Variants in HEATR5B observed in about 807,000 individuals in gnomAD.
The protein encoded by HEATR5B is HEAT repeat-containing protein 5B.
HEATR5B carries 156 observed loss-of-function variants against 224.1 expected under a neutral mutation model. The ratio of observed to expected loss-of-function variants is 0.70; its 90% CI spans 0.61 to 0.80. HEATR5B has a LOEUF of 0.80. HEATR5B is among the 30% of genes least tolerant of loss of function. The probability of loss-of-function intolerance (pLI) is 0.00; values close to 1 mark genes in which losing one functional copy is unlikely to be tolerated. For missense variants in HEATR5B, 2,323 were observed against 2,535.5 expected (o/e 0.92, Z 1.80); for synonymous variants, 1,027 against 893.0 (o/e 1.15, Z -2.68).
chr2:37,078,122 G>A (rs1672346143), intron 3 of HEATR5B, among the ~76,000 whole-genome samples: 1 of 152,176 alleles, frequency 6.6e-6, no homozygotes, highest in Admixed American at 6.5e-5. Flanking sequence ...TTGGATCTTG[G>A]AAGTGGGCAG....
In HEATR5B at chr2:37,083,417, CG is replaced by C; in HGVS notation, c.-4del. 1.2e-6 allele frequency: 2 copies of C among 1,609,602 alleles called. No homozygotes were observed. The highest frequency in any genetic ancestry group is 2.2e-5 in the South Asian group (2 of 90,078). On this transcript the variant is annotated 5_prime_UTR_variant, in exon 2 of 36. Coordinates refer to ENST00000233099, the MANE Select transcript of HEATR5B (RefSeq NM_019024.3). ...AATAAACTGTGGGCTAACTCCATTA[CG>C]GAAGTTTGAAATTCACACCTTAAAT...
intron 4 of HEATR5B, 86 bp from the exon 5 acceptor site, chr2:37,075,720 C>T (rs1672188353): frequency 1.1e-6 from 1 of 936,242 alleles, no homozygotes; most frequent in African/African-American, 1.7e-5. Flanking sequence ...TTCTTTGGGT[C>T]TAATGGTCTT....
chr2:37,064,987 A>T lies in HEATR5B; in HGVS notation c.1337T>A (p.Leu446His), dbSNP rs1337758145. ...CAGCACTGAAGTCACAATCTCCAAA[A>T]GCCCTAAACAAGAAATACTCAAAAT... is the stretch of plus-strand genomic sequence containing the variant. The part of the protein sequence containing the change: ...SPLIQEASIG[L>H]LEIVTSVLLH... Residue 446 changes from leucine to histidine, a missense_variant, in exon 10 of 36, where the codon CTT becomes CAT. Coordinates refer to ENST00000233099, the MANE Select transcript of HEATR5B (RefSeq NM_019024.3). 5 of 1,613,400 alleles carry T rather than the reference A, an allele frequency of 3.1e-6. No homozygotes were observed. In the South Asian group the frequency reaches 5.5e-5, roughly 18 times the overall value.
chr2:37,079,166 T>C lies in HEATR5B; in HGVS notation c.292A>G (p.Ile98Val). 2 of 1,610,206 alleles carry C rather than the reference T, an allele frequency of 1.2e-6. No homozygotes were observed. Among genetic ancestry groups the C allele is most frequent in the African/African-American group, 1.3e-5 (1 of 74,992 alleles). The change falls in exon 3 of 36, where the codon ATT becomes GTT. Residue 98 changes from isoleucine (I) to valine (V), a missense_variant. Physicochemically the swap from Ile to Val is conservative, Grantham distance 29 (BLOSUM62 3). Transcript: ENST00000233099. The stretch of plus-strand genomic sequence containing the variant: ...GCAGTGTCATCTTTATTTCTGATAA[T>C]GTCATTGCATTTATCAAGTGTCTGA... The part of the protein sequence containing the change: ...VFQTLDKCND[I>V]IRNKDDTAAY...
intron 30 of HEATR5B, among the ~76,000 whole-genome samples, chr2:37,005,125 A>C (rs1199179385): frequency 1.3e-5 from 2 of 151,980 alleles, no homozygotes; most frequent in African/African-American, 4.8e-5. Context: ...TCATCTAACA[A>C]CCTCATGTTC....
At chr2:37,020,884 G>A in intron 24 of HEATR5B, 48 bp from the exon 25 acceptor site, 1 of 1,023,666 alleles carries the variant, frequency 9.8e-7, no homozygotes, top group Non-Finnish European at 1.4e-6. Flanking sequence ...CCAAAAATAA[G>A]TGTAATAACA....
At chr2:37,006,516 C>T (rs1248092164) in intron 29 of HEATR5B, among the ~76,000 whole-genome samples, 1 of 152,096 alleles carries the variant, frequency 6.6e-6, no homozygotes, top group African/African-American at 2.4e-5. Flanking sequence ...TGGCGCATGC[C>T]CATAATCCCA....
rs1670414659 is a variant in HEATR5B, at chr2:37,049,666, A to T, written c.2683T>A (p.Tyr895Asn). 1.2e-6 allele frequency: 2 copies of T among 1,613,678 alleles called. No individual in the cohort carries two copies. The highest frequency in any genetic ancestry group is 2.2e-5 in the East Asian group (1 of 44,872). The change falls in exon 18 of 36, where the codon TAT becomes AAT. Residue 895 changes from tyrosine (Y) to asparagine (N), a missense_variant. By Grantham distance (143) the Tyr-to-Asn change is moderately radical. This residue lies in a region of HEATR5B where 170 missense variants were observed against 216.7 expected (regional missense o/e 0.78). Transcript: ENST00000233099. ...EATFIARMAQ[Y>N]SFDKLKSARD... ...AAACCCACTTACTTGTCAAAGCTAT[A>T]TTGGGCCATTCTAGCAATAAAAGTT...
At chr2:37,036,860 A>G (rs1337685183) in intron 21 of HEATR5B, among the ~76,000 whole-genome samples, 1 of 151,910 alleles carries the variant, frequency 6.6e-6, no homozygotes, top group Non-Finnish European at 1.5e-5. Context: ...CAGGATTATG[A>G]TAGGCCTCCT....
chr2:37,003,202 C>T (rs1667199889), intron 31 of HEATR5B, among the ~76,000 whole-genome samples: 1 of 144,424 alleles, frequency 6.9e-6, no homozygotes, highest in African/African-American at 2.6e-5. Context: ...CTGCAGTAAG[C>T]CGAGATTGCA....
intron 26 of HEATR5B, among the ~76,000 whole-genome samples, chr2:37,015,991 CAGAAAAACAAA>C (rs1668088657): frequency 6.6e-6 from 1 of 151,724 alleles, no homozygotes; most frequent in South Asian, 2.1e-4. Context: ...AAGAAAATAC[CAGAAAAACAAA>C]AGAAAAACCA....
chr2:37,064,435 G>A (rs553238697), intron 10 of HEATR5B, among the ~76,000 whole-genome samples: 23 of 151,684 alleles, frequency 1.5e-4, no homozygotes, highest in African/African-American at 5.6e-4. Context: ...CATGAAGTTG[G>A]CTAACTTTTT....
chr2:37,045,544 G>C (rs1411348075), intron 18 of HEATR5B, among the ~76,000 whole-genome samples: 1 of 152,172 alleles, frequency 6.6e-6, no homozygotes, highest in African/African-American at 2.4e-5. Flanking sequence ...AGCCCTGTGA[G>C]TTCTGAAAAT....
At chr2:36,981,886 A>C (rs1572718510) in intron 35 of HEATR5B, 92 bp from the exon 36 acceptor site, 1 of 896,766 alleles carries the variant, frequency 1.1e-6, no homozygotes, top group Non-Finnish European at 1.7e-6. Flanking sequence ...ACTGAACATA[A>C]TAAAATATAA....
chr2:37,042,104 A>G (rs1378581949), intron 18 of HEATR5B, among the ~76,000 whole-genome samples: 1 of 152,188 alleles, frequency 6.6e-6, no homozygotes, highest in African/African-American at 2.4e-5. Context: ...TACTTTAAAA[A>G]ATAAGCTTTA....
chr2:37,055,229 T>C lies in HEATR5B; in HGVS notation c.2399+1211A>G, dbSNP rs1357011820. 1.0e-4 allele frequency: 19 copies of C among 183,144 alleles called. No homozygotes were observed. The East Asian group carries it at 2.8e-3, about 27-fold the overall frequency. The allele number at this position is 183,144 out of a possible 1,614,324, so 11.3% of individuals were successfully genotyped here. On this transcript the variant is annotated intron_variant, in intron 16 of 35. Coordinates refer to ENST00000233099, the MANE Select transcript of HEATR5B (RefSeq NM_019024.3). ...TATCAAAACACTGTCTCTACAAAAA[T>C]GGACTTTCTATTATTTATTCACTTA... is the stretch of plus-strand genomic sequence containing the variant.
At chr2:37,062,119 G>C (rs543806326) in intron 10 of HEATR5B, 69 bp from the exon 11 acceptor site, 1 of 931,846 alleles carries the variant, frequency 1.1e-6, no homozygotes, top group East Asian at 2.5e-5. Flanking sequence ...CAGATAACTA[G>C]CATACATTAC....
At chr2:36,990,547 C>G (rs1051928065) in intron 34 of HEATR5B, 101 bp downstream of exon 34, 4 of 1,120,436 alleles carry the variant, frequency 3.6e-6, no homozygotes, top group Non-Finnish European at 3.7e-6. Context: ...AGTGCAAATA[C>G]TTAGCTTTTC....
chr2:37,041,301 A>G lies in HEATR5B; in HGVS notation c.2697-9T>C, dbSNP rs1240352236. On this transcript the variant is annotated splice_polypyrimidine_tract_variant and intron_variant, in intron 18 of 35. Transcript: ENST00000233099. Reference sequence around the variant, plus strand: ...CTCGAGCCGATTTCAACCTGAAAAAAAGATTATGCTTCAAGCACTAACTTT... The same window carrying G: ...CTCGAGCCGATTTCAACCTGAAAAAGAGATTATGCTTCAAGCACTAACTTT... The G allele has an allele frequency of 6.2e-7, 1 of 1,613,208 alleles. No individual in the cohort carries two copies. The highest frequency in any genetic ancestry group is 8.5e-7 in the Non-Finnish European group (1 of 1,179,466).
Sources: gnomAD v4.1 joint callset for allele counts (sites outside exome capture counted in the v4.1 genomes callset) on GRCh38, gnomAD v4.1.1 for gene constraint, gnomAD v4.1.1 regional missense constraint, MANE v1.5 for transcripts, NCBI Gene and HGNC (gene_info 2026-07-23, HGNC 2026-07-21) for gene names.